TVP23B: variants seen among roughly 807,000 people sequenced by gnomAD.
The protein encoded by TVP23B is Golgi apparatus membrane protein TVP23 homolog B.
A neutral mutation model predicts 30.6 loss-of-function variants in TVP23B; 10 were observed. The observed-to-expected ratio is 0.33, with a 90% CI of 0.20 to 0.55. TVP23B has a LOEUF of 0.55. Among genes scored for constraint, TVP23B ranks in the 20% least tolerant of loss-of-function variants. The probability of loss-of-function intolerance (pLI) is 0.91; values close to 1 mark genes in which losing one functional copy is unlikely to be tolerated. For missense variants in TVP23B, 153 were observed against 243.2 expected (o/e 0.63, Z 2.47); for synonymous variants, 67 against 83.1 (o/e 0.81, Z 1.06).
chr17:18,790,550 A>T (rs2035976863), intron 2 of TVP23B, among the ~76,000 whole-genome samples: 1 of 152,048 alleles, frequency 6.6e-6, no homozygotes, highest in Non-Finnish European at 1.5e-5. Context: ...AGGGCTAAGG[A>T]ATTCTTTTGG....
At chr17:18,788,380 GGGAAGGTAGA>G (rs984830297) in intron 1 of TVP23B, among the ~76,000 whole-genome samples, 3 of 150,936 alleles carry the variant, frequency 2.0e-5, no homozygotes, top group African/African-American at 7.3e-5. Flanking sequence ...GCAATGCTTT[GGGAAGGTAGA>G]GGATTGAAGG....
intron 1 of TVP23B, among the ~76,000 whole-genome samples, chr17:18,783,100 G>GT (rs2035834891): frequency 1.3e-5 from 1 of 77,450 alleles, no homozygotes; most frequent in Non-Finnish European, 3.1e-5. Flanking sequence ...TTGATTGATT[G>GT]ATTGATTCAT....
rs529458986 is a variant in TVP23B, at chr17:18,791,129, CTT to C, written c.240+92_240+93del. On this transcript the variant is annotated intron_variant, in intron 3 of 6. Coordinates refer to ENST00000307767, the MANE Select transcript of TVP23B (RefSeq NM_016078.6). ...GTTAGCATTTTGCATTATTGTTAAT[CTT>C]TTGTTACTTCAAACCTCATCTGTGT... 1.0e-3 allele frequency: 1,306 copies of C among 1,262,822 alleles called. 2 individuals are homozygous for C. The Middle Eastern group carries it at 0.023, about 22-fold the overall frequency. The allele number at this position is 1,262,822 out of a possible 1,614,324, so 78.2% of individuals were successfully genotyped here.
intron 1 of TVP23B, among the ~76,000 whole-genome samples, chr17:18,786,874 G>A (rs1027251408): frequency 6.7e-6 from 1 of 148,452 alleles, no homozygotes; most frequent in African/African-American, 2.5e-5. Flanking sequence ...AGGCCTACGC[G>A]GACTGTCAGG....
intron 3 of TVP23B, among the ~76,000 whole-genome samples, chr17:18,793,595 CAAAAAAA>C (rs71155356): frequency 1.2e-5 from 1 of 86,884 alleles, no homozygotes; most frequent in African/African-American, 4.3e-5. Context: ...GACTCCATCT[CAAAAAAA>C]AAAAAAAAAA....
chr17:18,801,037 C>T (rs1281705241), intron 5 of TVP23B, among the ~76,000 whole-genome samples: 67 of 151,202 alleles, frequency 4.4e-4, no homozygotes, highest in Middle Eastern at 6.9e-3. Flanking sequence ...AAAAATACAA[C>T]AGGGGATGTT....
intron 6 of TVP23B, chr17:18,804,743 C>G (rs1449901142): frequency 2.6e-6 from 1 of 379,614 alleles, no homozygotes; most frequent in Non-Finnish European, 3.7e-6. Flanking sequence ...CGCATGCCAC[C>G]ACGCCCAGCT....
At chr17:18,804,426 A>C in intron 6 of TVP23B, 160 bp downstream of exon 6, 1 of 1,314,730 alleles carries the variant, frequency 7.6e-7, no homozygotes, top group Non-Finnish European at 9.9e-7. Context: ...TGTTCAAGAC[A>C]GTCTGGAAGT....
At chr17:18,786,782 T>TA (rs1481111178) in intron 1 of TVP23B, among the ~76,000 whole-genome samples, 2 of 151,738 alleles carry the variant, frequency 1.3e-5, no homozygotes, top group Non-Finnish European at 2.9e-5. Flanking sequence ...ATCCATCACT[T>TA]ACTGCATGAG....
At chr17:18,785,046 T>C (rs1406053577) in intron 1 of TVP23B, among the ~76,000 whole-genome samples, 4 of 152,238 alleles carry the variant, frequency 2.6e-5, no homozygotes, top group Non-Finnish European at 4.4e-5. Flanking sequence ...GCATCCATCT[T>C]AGACCAAGCC....
chr17:18,791,958 GAC>G (rs199800881), intron 3 of TVP23B, among the ~76,000 whole-genome samples: 3,261 of 152,198 alleles, frequency 0.021, 127 homozygotes, highest in African/African-American at 0.075. Context: ...GAGTTTCAGA[GAC>G]ACATACTGAT....
At position 18,790,896 on chromosome 17, in the gene TVP23B, A is replaced by C; in HGVS notation, c.96A>C (p.Arg32Ser). ...TCTTTCATTGTGTTTTGGTTTTCAG[A>C]CATCCAGTAGCATCGTTTTTCCACT... ...TTNRPRKAKI[R>S]HPVASFFHLF... Residue 32 changes from arginine (R) to serine (S), a missense_variant and splice_region_variant, in exon 3 of 7, where the codon AGA becomes AGC. This residue lies in a region of TVP23B where 38 missense variants were observed against 40.9 expected (regional missense o/e 0.93). Transcript: ENST00000307767. The C allele has an allele frequency of 6.2e-7, 1 of 1,608,186 alleles. No individual in the cohort carries two copies. The highest frequency in any genetic ancestry group is 8.5e-7 in the Non-Finnish European group (1 of 1,178,502).
intron 5 of TVP23B, among the ~76,000 whole-genome samples, chr17:18,802,678 T>C (rs1386506693): frequency 1.3e-5 from 2 of 152,216 alleles, no homozygotes. Flanking sequence ...TTGCTGTTTG[T>C]ACCTTAAGGG....
chr17:18,790,923 A>G lies in TVP23B; in HGVS notation c.123A>G (p.Leu41=). ...IRHPVASFFH[L]FFRVSAIIVY... is the part of the protein sequence containing the mutation. ...ATCCAGTAGCATCGTTTTTCCACTT[A>G]TTCTTTCGAGTCAGTGCAATCATCG... is the stretch of plus-strand genomic sequence containing the variant. The change falls in exon 3 of 7, where the codon TTA becomes TTG. Residue 41 remains leucine, a synonymous_variant. Transcript: ENST00000307767. The G allele has an allele frequency of 6.2e-7, 1 of 1,610,946 alleles. No individual in the cohort carries two copies. The highest frequency in any genetic ancestry group is 1.3e-5 in the African/African-American group (1 of 74,780).
intron 1 of TVP23B, among the ~76,000 whole-genome samples, chr17:18,786,449 T>C (rs563112875): frequency 6.6e-6 from 1 of 150,506 alleles, no homozygotes; most frequent in East Asian, 2.0e-4. Flanking sequence ...GAGGTTTCAG[T>C]AGGGGAATGA....
rs149482412 is a variant in TVP23B at position 18,801,336 on chromosome 17, A to G, written c.462+2393A>G. On this transcript the variant is annotated intron_variant, in intron 5 of 6. Transcript: ENST00000307767. ...TTTTCTTTTTTCACTATAGTTTTGC[A>G]TAAATGCACTTCCCTTTTTCCTTAT... 8.9e-3 allele frequency among the ~76,000 whole-genome samples: 1,349 copies of G among 151,916 alleles called. 10 individuals carry two copies. The highest frequency in any genetic ancestry group is 0.015 in the Admixed American group (225 of 15,246).
At chr17:18,796,566 C>T (rs1450284218) in intron 3 of TVP23B, 1 of 151,806 alleles carries the variant, frequency 6.6e-6, no homozygotes, top group Non-Finnish European at 1.5e-5. Flanking sequence ...CAAAACCAAA[C>T]AAAAAACAAA....
rs1393375617 is a variant in TVP23B at position 18,789,438 on chromosome 17, A to C, written c.95+3A>C. The C allele has an allele frequency of 6.2e-7, 1 of 1,613,908 alleles. No individual in the cohort carries two copies. The highest frequency in any genetic ancestry group is 1.3e-5 in the African/African-American group (1 of 74,946). ...AGACCAAGAAAAGCCAAAATCAGGT[A>C]GGAGGAGAGAAGTTGCATGAGCTGT... On this transcript the variant is annotated splice_donor_region_variant and intron_variant, in intron 2 of 6. Coordinates refer to ENST00000307767, the MANE Select transcript of TVP23B (RefSeq NM_016078.6).
At chr17:18,802,591 A>T (rs902221493) in intron 5 of TVP23B, among the ~76,000 whole-genome samples, 2 of 151,190 alleles carry the variant, frequency 1.3e-5, no homozygotes, top group Non-Finnish European at 3.0e-5. Context: ...AGCTGCTCCA[A>T]CCTGGCTCTT....
Sources: allele counts gnomAD v4.1 joint callset (sites outside exome capture counted in the v4.1 genomes callset), GRCh38; gene constraint gnomAD v4.1.1; regional missense constraint gnomAD v4.1.1; transcripts MANE v1.5; gene names NCBI Gene and HGNC (gene_info 2026-07-23, HGNC 2026-07-21).